The following HIVEP3 variants were observed in gnomAD, a reference collection of about 807,000 sequenced individuals.
HIVEP3 encodes the protein transcription factor HIVEP3.
In HIVEP3, 49 loss-of-function variants were observed where a neutral mutation model predicts 152.8. The ratio of observed to expected loss-of-function variants is 0.32; its 90% CI spans 0.26 to 0.41. HIVEP3 has a LOEUF of 0.41. HIVEP3 is among the 10% of genes least tolerant of loss of function. HIVEP3 has a pLI of 1.00. For synonymous variants in HIVEP3, 1,269 were observed against 1,289.0 expected (o/e 0.98, Z 0.33); for missense variants, 2,790 against 3,103.3 (o/e 0.90, Z 2.40).
chr1:41,733,134 T>C (rs1279994081), intron 1 of HIVEP3, among the ~76,000 whole-genome samples: 1 of 149,968 alleles, frequency 6.7e-6, no homozygotes, highest in Non-Finnish European at 1.5e-5. Flanking sequence ...TCCAGGTCTT[T>C]TCTGTCATTG....
Position 41,770,954 on chromosome 1 carries a change from G to A in HIVEP3, c.-800-69959C>T, listed in dbSNP as rs541535848. 3.9e-5 allele frequency among the ~76,000 whole-genome samples: 6 copies of A among 151,996 alleles called. No individual in the cohort carries two copies. The East Asian group carries it at 5.8e-4, about 15-fold the overall frequency. On this transcript the variant is annotated intron_variant, in intron 1 of 8. Transcript: ENST00000372583. ...ACTCTCTAGAGCATGCATTGTCAAC[G>A]GGGCATTTCTCCCCCAAGGGGAGAA...
At chr1:41,901,152 G>A (rs184031823) in intron 1 of HIVEP3, among the ~76,000 whole-genome samples, 15 of 152,082 alleles carry the variant, frequency 9.9e-5, no homozygotes, top group African/African-American at 3.1e-4. Context: ...GGTGAAGTCC[G>A]GCTTCTGGCC....
intron 2 of HIVEP3, among the ~76,000 whole-genome samples, chr1:41,629,377 T>C (rs1645161299): frequency 1.3e-5 from 2 of 152,204 alleles, no homozygotes; most frequent in Admixed American, 6.5e-5. Flanking sequence ...AAAGTATTTA[T>C]GGCTAAGTGC....
intron 1 of HIVEP3, among the ~76,000 whole-genome samples, chr1:41,975,380 C>T (rs1011447674): frequency 6.6e-6 from 1 of 152,206 alleles, no homozygotes; most frequent in Non-Finnish European, 1.5e-5. Flanking sequence ...GTCCAAATCA[C>T]TCCCCCACAG....
chr1:41,548,926 G>A (rs1337408715), intron 5 of HIVEP3, among the ~76,000 whole-genome samples: 2 of 151,728 alleles, frequency 1.3e-5, no homozygotes, highest in African/African-American at 4.8e-5. Flanking sequence ...CTAAGTGCAG[G>A]TTTGTTACAT....
In HIVEP3 at chr1:42,020,699, A is replaced by T. The variant is rs562556059; in HGVS notation, n.119+15108T>A. On this transcript the variant is annotated intron_variant and non_coding_transcript_variant, in intron 1 of 3. Transcript: ENST00000489103. ...ACCAGGCATTATTCCAATGTTAGGA[A>T]TATACTATTAAAGAGGACAACATTC... 1.1e-4 allele frequency among the ~76,000 whole-genome samples: 17 copies of T among 152,322 alleles called. No individual in the cohort carries two copies. In the South Asian group the frequency reaches 3.5e-3, roughly 32 times the overall value.
intron 1 of HIVEP3, among the ~76,000 whole-genome samples, chr1:41,964,622 T>C (rs926437153): frequency 7.2e-5 from 11 of 152,186 alleles, no homozygotes; most frequent in Admixed American, 7.2e-4. Context: ...CCGGGAGGAA[T>C]TCCCCCACAG....
At chr1:41,832,157 C>A (rs995734124) in intron 1 of HIVEP3, among the ~76,000 whole-genome samples, 3 of 152,180 alleles carry the variant, frequency 2.0e-5, no homozygotes, top group Non-Finnish European at 4.4e-5. Flanking sequence ...TGTAAAAGTA[C>A]AGAAGAAGGA....
intron 1 of HIVEP3, among the ~76,000 whole-genome samples, chr1:41,970,383 C>T (rs6686901): frequency 0.56 from 84,735 of 151,970 alleles, 24,125 homozygotes; most frequent in East Asian, 0.71. Context: ...TCAGGTCCTT[C>T]GCATGGATGT....
intron 1 of HIVEP3, among the ~76,000 whole-genome samples, chr1:41,831,871 A>G (rs1484536004): frequency 6.6e-6 from 1 of 152,078 alleles, no homozygotes; most frequent in African/African-American, 2.4e-5. Context: ...TTGAGGTGGG[A>G]CTCTTAACCC....
At chr1:41,686,486 C>T (rs1205812338) in intron 2 of HIVEP3, among the ~76,000 whole-genome samples, 1 of 152,202 alleles carries the variant, frequency 6.6e-6, no homozygotes, top group Non-Finnish European at 1.5e-5. Flanking sequence ...CCATCAAAAG[C>T]CCCGTACAGT....
intron 1 of HIVEP3, among the ~76,000 whole-genome samples, chr1:41,826,723 G>A (rs1642815359): frequency 6.6e-6 from 1 of 152,212 alleles, no homozygotes; most frequent in Non-Finnish European, 1.5e-5. Flanking sequence ...TTTGTATGCT[G>A]GAGACGTGGT....
intron 3 of HIVEP3, among the ~76,000 whole-genome samples, chr1:41,603,473 C>T (rs1644775151): frequency 6.6e-6 from 1 of 152,140 alleles, no homozygotes; most frequent in African/African-American, 2.4e-5. Flanking sequence ...GATTCTCCTG[C>T]CTCAGCCTCC....
intron 1 of HIVEP3, among the ~76,000 whole-genome samples, chr1:42,016,903 C>G (rs1027498645): frequency 1.3e-5 from 2 of 152,058 alleles, no homozygotes; most frequent in African/African-American, 4.8e-5. Context: ...CAAATATTTC[C>G]TAAGATAAAA....
At chr1:41,821,681 T>C (rs1008191410) in intron 1 of HIVEP3, among the ~76,000 whole-genome samples, 1 of 152,214 alleles carries the variant, frequency 6.6e-6, no homozygotes, top group Admixed American at 6.5e-5. Context: ...CTTCCCTTAG[T>C]TCCCAGGCAC....
At chr1:41,735,941 C>T (rs141232923) in intron 1 of HIVEP3, among the ~76,000 whole-genome samples, 2,215 of 152,172 alleles carry the variant, frequency 0.015, 25 homozygotes, top group Non-Finnish European at 0.018. Flanking sequence ...GAGAAAAAGG[C>T]AAGAACACTG....
Position 41,582,681 on chromosome 1 carries a change from G to T in HIVEP3, c.2117C>A (p.Thr706Asn), listed in dbSNP as rs1424796119. Residue 706 changes from threonine (T) to asparagine (N), a missense_variant, in exon 4 of 9, where the codon ACC (threonine) becomes AAC (asparagine). Coordinates refer to ENST00000372583, the MANE Select transcript of HIVEP3 (RefSeq NM_024503.5). The surrounding 1 kb of genome is among the most constrained non-coding windows in gnomAD (Gnocchi z 4.7). ...SQMMHYKLGT[T>N]LELTPLRKRR... is the part of the protein sequence containing the mutation. Reference sequence around the variant, plus strand: ...CTTCCTCAGTGGAGTGAGTTCCAGGGTGGTTCCCAGTTTGTAATGCATCAT... The same window carrying T: ...CTTCCTCAGTGGAGTGAGTTCCAGGTTGGTTCCCAGTTTGTAATGCATCAT... 1 of 1,614,136 alleles carries T rather than the reference G, an allele frequency of 6.2e-7. No homozygotes were observed. Among genetic ancestry groups the T allele is most frequent in the African/African-American group, 1.3e-5 (1 of 75,022 alleles).
chr1:41,715,308 G>A (rs1646574613), intron 1 of HIVEP3, among the ~76,000 whole-genome samples: 3 of 152,230 alleles, frequency 2.0e-5, no homozygotes. Flanking sequence ...AGAGATAGGA[G>A]GCGGCTTGGC....
intron 1 of HIVEP3, among the ~76,000 whole-genome samples, chr1:41,904,557 C>T (rs1570778571): frequency 1.3e-5 from 2 of 152,042 alleles, no homozygotes; most frequent in African/African-American, 2.4e-5. Context: ...CAGAGTGCGC[C>T]GTAAAAGGAG....
Sources: allele counts gnomAD v4.1 joint callset (sites outside exome capture counted in the v4.1 genomes callset), GRCh38; gene constraint gnomAD v4.1.1; non-coding constraint Gnocchi (gnomAD v3.1); transcripts MANE v1.5; gene names NCBI Gene and HGNC (gene_info 2026-07-23, HGNC 2026-07-21).